Variants in ACADM observed in about 807,000 individuals in gnomAD.
The protein encoded by ACADM is medium-chain specific acyl-CoA dehydrogenase, mitochondrial.
ACADM carries 49 observed loss-of-function variants against 58.9 expected under a neutral mutation model. The ratio of observed to expected loss-of-function variants is 0.83; its 90% CI spans 0.66 to 1.06. The LOEUF is 1.06. Among genes scored for constraint, ACADM ranks in the 50% least tolerant of loss-of-function variants. The probability of loss-of-function intolerance (pLI) is 0.00; values close to 1 mark genes in which losing one functional copy is unlikely to be tolerated. For missense variants in ACADM, 496 were observed against 507.0 expected (o/e 0.98, Z 0.21); for synonymous variants, 160 against 157.7 (o/e 1.01, Z -0.11).
intron 2 of ACADM, among the ~76,000 whole-genome samples, chr1:75,731,996 A>C (rs374116654): frequency 2.6e-5 from 4 of 152,314 alleles, no homozygotes; most frequent in South Asian, 4.1e-4. Context: ...TACAAAAATT[A>C]CAAAAATTAG....
intron 5 of ACADM, among the ~76,000 whole-genome samples, chr1:75,734,330 A>AT (rs35823639): frequency 8.6e-4 from 115 of 133,386 alleles, no homozygotes; most frequent in East Asian, 1.3e-3. Context: ...TGCCCGGCTA[A>AT]TTTTTTTTTT....
At chr1:75,753,684 T>C (rs938684030) in intron 10 of ACADM, among the ~76,000 whole-genome samples, 1 of 151,738 alleles carries the variant, frequency 6.6e-6, no homozygotes, top group Non-Finnish European at 1.5e-5. Flanking sequence ...TTATTAAATA[T>C]TGAAAAATCT....
Position 75,750,438 on chromosome 1 carries a change from C to T in ACADM, c.850-13C>T. ...AACATGAACTTTTGCTTTATAATAT[C>T]TTAAAATACTAGGTAGCTGCTGGTG... On this transcript the variant is annotated splice_polypyrimidine_tract_variant and intron_variant, in intron 9 of 11. Transcript: ENST00000370841. The T allele has an allele frequency of 6.3e-7, 1 of 1,596,604 alleles. No homozygotes were observed. Among genetic ancestry groups the T allele is most frequent in the African/African-American group, 1.3e-5 (1 of 74,804 alleles).
chr1:75,733,299 C>A, intron 4 of ACADM: 1 of 1,173,732 alleles, frequency 8.5e-7, no homozygotes, highest in South Asian at 1.6e-5. Context: ...CAAGTTAGAA[C>A]AGGAATACAG....
intron 10 of ACADM, 46 bp downstream of exon 10, chr1:75,750,592 T>C: frequency 1.6e-6 from 2 of 1,218,074 alleles, no homozygotes; most frequent in Non-Finnish European, 1.2e-6. Context: ...AGACACTCAT[T>C]TTCATTTAAT....
chr1:75,759,849 C>T (rs947779655), intron 10 of ACADM, among the ~76,000 whole-genome samples: 3 of 151,680 alleles, frequency 2.0e-5, no homozygotes, highest in East Asian at 2.0e-4. Context: ...TTAGTAGAGA[C>T]GGGGTTTATC....
At chr1:75,732,985 A>G in intron 4 of ACADM, 63 bp downstream of exon 4, 2 of 1,613,136 alleles carry the variant, frequency 1.2e-6, no homozygotes, top group Non-Finnish European at 1.7e-6. Context: ...GTGGAACTCT[A>G]CTCAGTCATT....
chr1:75,744,209 G>A (rs1474764565), intron 7 of ACADM: 38 of 1,574,704 alleles, frequency 2.4e-5, no homozygotes, highest in Non-Finnish European at 3.2e-5. Context: ...AGGTTGTGAG[G>A]GCGAGGGCAC....
In ACADM at chr1:75,733,586, A is replaced by C; in HGVS notation, c.345A>C (p.Gly115=). ...TAATTAGTGAAGAATTGGCTTATGG[A>C]TGTACAGGGGTTCAGACTGCTATTG... ...ACLISEELAY[G]CTGVQTAIEG... The change falls in exon 5 of 12, where the codon GGA becomes GGC. Residue 115 remains glycine, a synonymous_variant. Transcript: ENST00000370841. 1 of 1,614,100 alleles carries C rather than the reference A, an allele frequency of 6.2e-7. No individual in the cohort carries two copies. The highest frequency in any genetic ancestry group is 8.5e-7 in the Non-Finnish European group (1 of 1,180,014).
At chr1:75,750,624 C>A in intron 10 of ACADM, 78 bp downstream of exon 10, 1 of 966,732 alleles carries the variant, frequency 1.0e-6, no homozygotes, top group Non-Finnish European at 1.6e-6. Context: ...ATTTTTAAAC[C>A]ACAAACTAAT....
chr1:75,733,586 A>G lies in ACADM; in HGVS notation c.345A>G (p.Gly115=). 1 of 1,614,100 alleles carries G rather than the reference A, an allele frequency of 6.2e-7. No individual in the cohort carries two copies. Among genetic ancestry groups the G allele is most frequent in the Non-Finnish European group, 8.5e-7 (1 of 1,180,014 alleles). The part of the protein sequence containing the change: ...ACLISEELAY[G]CTGVQTAIEG... ...TAATTAGTGAAGAATTGGCTTATGG[A>G]TGTACAGGGGTTCAGACTGCTATTG... is the stretch of plus-strand genomic sequence containing the variant. The change falls in exon 5 of 12, where the codon GGA becomes GGG. Residue 115 remains glycine (G), a synonymous_variant. Coordinates refer to ENST00000370841, the MANE Select transcript of ACADM (RefSeq NM_000016.6).
chr1:75,729,858 T>C (rs925515141), intron 2 of ACADM, among the ~76,000 whole-genome samples: 1 of 150,712 alleles, frequency 6.6e-6, no homozygotes, highest in Non-Finnish European at 1.5e-5. Flanking sequence ...TTTCAAGCAC[T>C]GTGAGGATAG....
Position 75,762,965 on chromosome 1 carries a change from GT to G in ACADM, c.*206del. 1 of 438,262 alleles carries G rather than the reference GT, an allele frequency of 2.3e-6. No homozygotes were observed. The highest frequency in any genetic ancestry group is 3.9e-5 in the Admixed American group (1 of 25,660). The allele number at this position is 438,262 out of a possible 1,614,324, so 27.1% of individuals were successfully genotyped here. On this transcript the variant is annotated 3_prime_UTR_variant, in exon 12 of 12. Coordinates refer to ENST00000370841, the MANE Select transcript of ACADM (RefSeq NM_000016.6). ...GGTTTGGTTTTTATTAAAATGATGT[GT>G]TTTCTTTAGTACCACTTTACTTGAA... is the stretch of plus-strand genomic sequence containing the variant.
At chr1:75,743,288 T>A in intron 7 of ACADM, 1 of 960,748 alleles carries the variant, frequency 1.0e-6, no homozygotes, top group Non-Finnish European at 1.6e-6. Flanking sequence ...GGTTACATAG[T>A]GCTCTGCTTC....
rs943131542 is a variant in ACADM, at chr1:75,733,909, A to G, written c.387+281A>G. 3.3e-4 allele frequency among the ~76,000 whole-genome samples: 50 copies of G among 152,194 alleles called. 1 individual carries two copies. Among genetic ancestry groups the G allele is most frequent in the Admixed American group, 1.3e-4 (2 of 15,284 alleles). On this transcript the variant is annotated intron_variant, in intron 5 of 11. Transcript: ENST00000370841. ...TACTTTGGCTGCAGCTTCAGTGGCA[A>G]TTCTTAGGTAAAGCCAAGGGCTAAA...
At chr1:75,751,507 C>T (rs553663489) in intron 10 of ACADM, among the ~76,000 whole-genome samples, 150 of 128,196 alleles carry the variant, frequency 1.2e-3, no homozygotes, top group African/African-American at 4.0e-3. Flanking sequence ...TTTTTTTTTG[C>T]GGGGGGTGGG....
intron 10 of ACADM, among the ~76,000 whole-genome samples, chr1:75,751,438 TTAAA>T (rs1648198854): frequency 6.6e-6 from 1 of 152,016 alleles, no homozygotes; most frequent in East Asian, 1.9e-4. Flanking sequence ...CTCAGAGGTA[TTAAA>T]TGATTTGTCC....
chr1:75,736,417 A>G (rs1647267200), intron 6 of ACADM, among the ~76,000 whole-genome samples: 1 of 151,066 alleles, frequency 6.6e-6, no homozygotes, highest in Non-Finnish European at 1.5e-5. Context: ...ACTGTTTAAT[A>G]AAGGAATTTG....
chr1:75,749,858 G>A (rs988468918), intron 9 of ACADM, among the ~76,000 whole-genome samples: 1 of 151,462 alleles, frequency 6.6e-6, no homozygotes, highest in South Asian at 2.1e-4. Context: ...GACTACAGGT[G>A]CACACCACTC....
Sources: gnomAD v4.1 joint callset for allele counts (sites outside exome capture counted in the v4.1 genomes callset) on GRCh38, gnomAD v4.1.1 for gene constraint, MANE v1.5 for transcripts, NCBI Gene and HGNC (gene_info 2026-07-23, HGNC 2026-07-21) for gene names.